Variants in CHLSN observed in about 807,000 individuals in gnomAD.
CHLSN encodes the protein cholesin.
chr7:1,046,111 A>G, the CHLSN span, among the ~76,000 whole-genome samples: 72 of 152,394 alleles, frequency 4.7e-4, no homozygotes, highest in African/African-American at 1.7e-3. Context: ...CATACTGCAC[A>G]GATCGCTGCA....
the CHLSN span, among the ~76,000 whole-genome samples, chr7:1,132,902 G>A: frequency 1.3e-5 from 2 of 152,122 alleles, no homozygotes; most frequent in Non-Finnish European, 2.9e-5. Context: ...ACAGGCACAT[G>A]AAACACAGCT....
the CHLSN span, among the ~76,000 whole-genome samples, chr7:1,007,043 G>A: frequency 4.8e-3 from 732 of 152,300 alleles, 3 homozygotes; most frequent in Middle Eastern, 0.041. Flanking sequence ...AAGACCCCAC[G>A]GGCGCTGGGT....
At chr7:979,180 G>T in the CHLSN span, among the ~76,000 whole-genome samples, 1 of 152,214 alleles carries the variant, frequency 6.6e-6, no homozygotes, top group African/African-American at 2.4e-5. Context: ...AAGAAGTAAA[G>T]TTAGTTTTAT....
chr7:1,069,540 C>G, the CHLSN span, among the ~76,000 whole-genome samples: 40 of 139,338 alleles, frequency 2.9e-4, no homozygotes, highest in Middle Eastern at 7.2e-3. Context: ...TGGTGGAGAC[C>G]GGGTTTCGCT....
the CHLSN span, among the ~76,000 whole-genome samples, chr7:984,047 G>GGGGTTCTTTTCATCCCA: frequency 6.6e-6 from 1 of 152,218 alleles, no homozygotes; most frequent in African/African-American, 2.4e-5. Flanking sequence ...TCTGGGGGCC[G>GGGGTTCTTTTCATCCCA]AGCCTGTCAG....
chr7:986,629 C>G, the CHLSN span: 2 of 1,612,560 alleles, frequency 1.2e-6, no homozygotes, highest in East Asian at 2.2e-5. Context: ...CCCAGCTGTT[C>G]AACGTCTACC....
the CHLSN span, among the ~76,000 whole-genome samples, chr7:1,117,992 G>A: frequency 1.3e-5 from 2 of 152,158 alleles, no homozygotes; most frequent in African/African-American, 4.8e-5. Flanking sequence ...GAAGCCCATC[G>A]TTCCTGCTAC....
At chr7:1,053,493 G>A in the CHLSN span, among the ~76,000 whole-genome samples, 25 of 152,318 alleles carry the variant, frequency 1.6e-4, no homozygotes, top group South Asian at 4.1e-4. Context: ...GCCCTGGCAC[G>A]CTGTGGTTCT....
the CHLSN span, among the ~76,000 whole-genome samples, chr7:996,737 C>G: frequency 6.6e-6 from 1 of 152,252 alleles, no homozygotes; most frequent in African/African-American, 2.4e-5. Flanking sequence ...CCACGTGCTG[C>G]TGGGAACAGG....
chr7:1,112,546 G>T, the CHLSN span, among the ~76,000 whole-genome samples: 5 of 152,198 alleles, frequency 3.3e-5, no homozygotes, highest in South Asian at 1.0e-3. Flanking sequence ...ATGAAGCCAG[G>T]AAAGTCCCAC....
At chr7:1,018,443 G>A in the CHLSN span, among the ~76,000 whole-genome samples, 2 of 152,198 alleles carry the variant, frequency 1.3e-5, no homozygotes, top group South Asian at 2.1e-4. Context: ...GAGCAGAGAG[G>A]AGATGTGATG....
At chr7:1,069,185 G>T in the CHLSN span, among the ~76,000 whole-genome samples, 1 of 152,188 alleles carries the variant, frequency 6.6e-6, no homozygotes, top group Non-Finnish European at 1.5e-5. Context: ...TACAAAATTA[G>T]CTGGGCGTGG....
the CHLSN span, among the ~76,000 whole-genome samples, chr7:1,075,601 C>T: frequency 7.5e-6 from 1 of 133,750 alleles, no homozygotes; most frequent in Non-Finnish European, 1.6e-5. Flanking sequence ...CACAACAAAT[C>T]GGGTCACTTT....
At chr7:1,040,494 C>G in the CHLSN span, among the ~76,000 whole-genome samples, 1 of 151,730 alleles carries the variant, frequency 6.6e-6, no homozygotes, top group Admixed American at 6.5e-5. Flanking sequence ...GACCCTGTCT[C>G]AAAAACAAAA....
chr7:1,034,261 C>A, the CHLSN span, among the ~76,000 whole-genome samples: 1 of 152,174 alleles, frequency 6.6e-6, no homozygotes, highest in East Asian at 1.9e-4. Flanking sequence ...ACTGAAGAAA[C>A]AAACTTTGAA....
At chr7:1,068,527 G>A in the CHLSN span, among the ~76,000 whole-genome samples, 1 of 152,130 alleles carries the variant, frequency 6.6e-6, no homozygotes, top group African/African-American at 2.4e-5. Flanking sequence ...AGGAAATAAT[G>A]TACACAGTGG....
chr7:1,070,950 C>G, the CHLSN span, among the ~76,000 whole-genome samples: 1 of 149,434 alleles, frequency 6.7e-6, no homozygotes, highest in Non-Finnish European at 1.5e-5. Context: ...TGCACACACA[C>G]ACAGCACAGA....
the CHLSN span, chr7:1,026,797 C>G: frequency 6.6e-6 from 1 of 152,282 alleles, no homozygotes; most frequent in Non-Finnish European, 1.5e-5. Context: ...CTTGCACGCT[C>G]CCCGTGGAGG....
the CHLSN span, chr7:1,021,676 G>C: frequency 1.6e-6 from 1 of 613,812 alleles, no homozygotes; most frequent in Non-Finnish European, 2.0e-6. Flanking sequence ...ACCCCGGCAG[G>C]TCGGCTGGAG....
Sources: allele counts gnomAD v4.1 joint callset (sites outside exome capture counted in the v4.1 genomes callset), GRCh38; gene constraint gnomAD v4.1.1; transcripts MANE v1.5; gene names NCBI Gene and HGNC (gene_info 2026-07-23, HGNC 2026-07-21).